ZNF853: variants seen among roughly 807,000 people sequenced by gnomAD.
ZNF853 encodes zinc finger protein 853.
Under a neutral mutation model 94.7 loss-of-function variants are expected in ZNF853, and 57 were observed. The ratio of observed to expected loss-of-function variants is 0.60; its 90% confidence interval spans 0.49 to 0.75. The LOEUF is 0.75. ZNF853 is among the 30% of genes least tolerant of loss of function. The probability of loss-of-function intolerance (pLI) is 0.00; values close to 1 mark genes in which losing one functional copy is unlikely to be tolerated. For synonymous variants in ZNF853, 448 were observed against 406.3 expected (o/e 1.10, Z -1.23); for missense variants, 785 against 868.9 (o/e 0.90, Z 1.21).
chr7:6,619,032 A>ATTTTTTTTTTTTTTTTTTTTTTTTTT, intron 2 of ZNF853, among the ~76,000 whole-genome samples: 1 of 86,874 alleles, frequency 1.2e-5, no homozygotes, highest in Non-Finnish European at 2.2e-5. Context: ...CCCTTGGTGG[A>ATTTTTTTTTTTTTTTTTTTTTTTTTT]TTTTTTTTTT....
At chr7:6,617,335 G>C in intron 2 of ZNF853, 28 bp downstream of exon 2, 1 of 1,402,834 alleles carries the variant, frequency 7.1e-7, no homozygotes, top group Non-Finnish European at 9.4e-7. Flanking sequence ...TCCCTTGACA[G>C]AGCCTCATGC....
intron 1 of ZNF853, 74 bp downstream of exon 1, chr7:6,616,260 G>T: frequency 1.4e-6 from 2 of 1,468,548 alleles, no homozygotes; most frequent in Non-Finnish European, 1.9e-6. Context: ...TGGATGGCAC[G>T]AGTCGGCCTG....
In ZNF853 at chr7:6,617,198, C is replaced by T. The variant is rs1252665405; in HGVS notation, c.21C>T (p.Pro7=). 13 of 1,543,492 alleles carry T rather than the reference C, an allele frequency of 8.4e-6. No individual in the cohort carries two copies. The African/African-American group carries it at 1.1e-4, about 13-fold the overall frequency. The change falls in exon 2 of 3, where the codon CCC becomes CCT. Residue 7 remains proline (P), a synonymous_variant. Coordinates refer to ENST00000457543, the MANE Select transcript of ZNF853 (RefSeq NM_017560.3). ...CCTTCCTTTCAGCACAGCCGACTCC[C>T]GGGAATCGGGGTCTGACCGCCAGGA... The part of the protein sequence containing the change: MLHQPT[P]GNRGLTARME...
intron 2 of ZNF853, among the ~76,000 whole-genome samples, chr7:6,619,718 A>G: frequency 6.6e-6 from 1 of 152,242 alleles, no homozygotes; most frequent in Non-Finnish European, 1.5e-5. Context: ...GGGAACGGAG[A>G]AAGCCTCCTC....
chr7:6,622,780 T>C lies in ZNF853; in HGVS notation c.1789T>C (p.Tyr597His). 6.5e-7 allele frequency: 1 copy of C among 1,540,864 alleles called. No homozygotes were observed. The change falls in exon 3 of 3, where the codon TAC (tyrosine) becomes CAC (histidine). Residue 597 changes from tyrosine to histidine, a missense_variant. Coordinates refer to ENST00000457543, the MANE Select transcript of ZNF853 (RefSeq NM_017560.3). The stretch of plus-strand genomic sequence containing the variant: ...GCGCACGCACTCGGGCGAGCGGCCC[T>C]ACGTGTGCGAGGACTGTGGCGAGCG... ...HRRTHSGERP[Y>H]VCEDCGERFR...
Position 6,617,284 on chromosome 7 carries a change from G to T in ZNF853, c.107G>T (p.Gly36Val), listed in dbSNP as rs909201669. ...VLELQCLEDG[G>V]PGPDTLSGGS... ...GAACTTCAATGTCTTGAGGATGGGG[G>T]CCCAGGGCCTGACACCCTCTCAGGT... The change falls in exon 2 of 3, where the codon GGC becomes GTC. Residue 36 changes from glycine (G) to valine (V), a missense_variant. Physicochemically the swap from Gly to Val is moderately radical, Grantham distance 109. Transcript: ENST00000457543. 11 of 1,503,428 alleles carry T rather than the reference G, an allele frequency of 7.3e-6. No individual in the cohort carries two copies. Among genetic ancestry groups the T allele is most frequent in the Non-Finnish European group, 9.8e-6 (11 of 1,120,378 alleles). The allele number at this position is 1,503,428 out of a possible 1,614,324, so 93.1% of individuals were successfully genotyped here.
Position 6,622,248 on chromosome 7 carries a change from A to T in ZNF853, c.1257A>T (p.Ala419=). ...PELQLELVPA[A]GGGGAAVPGA... is the part of the protein sequence containing the mutation. ...TGCAGCTGGAACTGGTGCCAGCCGCAGGGGGCGGCGGAGCGGCGGTCCCGG... is the reference window on the plus strand; with the variant it reads ...TGCAGCTGGAACTGGTGCCAGCCGCTGGGGGCGGCGGAGCGGCGGTCCCGG... The change falls in exon 3 of 3, where the codon GCA becomes GCT. Residue 419 remains alanine, a synonymous_variant. Transcript: ENST00000457543. 6.6e-7 allele frequency: 1 copy of T among 1,521,778 alleles called. No homozygotes were observed. The allele number at this position is 1,521,778 out of a possible 1,614,324, so 94.3% of individuals were successfully genotyped here. A position where few individuals can be genotyped will look rare whatever the true frequency, so the allele number is the denominator to read the frequency against.
chr7:6,617,615 C>A (rs972428024), intron 2 of ZNF853: 1 of 985,324 alleles, frequency 1.0e-6, no homozygotes, highest in African/African-American at 1.7e-5. Context: ...TCCCACCTGG[C>A]CCCAGCTCCT....
chr7:6,618,624 C>G, intron 2 of ZNF853, among the ~76,000 whole-genome samples: 2 of 152,070 alleles, frequency 1.3e-5, no homozygotes, highest in South Asian at 4.1e-4. Flanking sequence ...ATGGGAGGAT[C>G]GCTTGAGCTT....
chr7:6,616,729 C>T, intron 1 of ZNF853, among the ~76,000 whole-genome samples: 3 of 147,778 alleles, frequency 2.0e-5, no homozygotes, highest in Non-Finnish European at 3.0e-5. Context: ...AGTGAGAATC[C>T]GTATCAAGAA....
In ZNF853 at chr7:6,617,221, G is replaced by A. The variant is rs1306108464; in HGVS notation, c.44G>A (p.Arg15Lys). 2.6e-6 allele frequency: 4 copies of A among 1,536,420 alleles called. No homozygotes were observed. Among genetic ancestry groups the A allele is most frequent in the Non-Finnish European group, 3.5e-6 (4 of 1,140,246 alleles). The stretch of plus-strand genomic sequence containing the variant: ...CCCGGGAATCGGGGTCTGACCGCCA[G>A]GATGGAAGTGGGGCCAGCCACCGAG... Reference protein sequence around the residue: ...PTPGNRGLTARMEVGPATETF... With the variant: ...PTPGNRGLTAKMEVGPATETF... The change falls in exon 2 of 3, where the codon AGG becomes AAG. Residue 15 changes from arginine to lysine, a missense_variant. Coordinates refer to ENST00000457543, the MANE Select transcript of ZNF853 (RefSeq NM_017560.3).
Position 6,622,771 on chromosome 7 carries a change from G to C in ZNF853, c.1780G>C (p.Glu594Gln). 6.5e-7 allele frequency: 1 copy of C among 1,544,442 alleles called. No homozygotes were observed. The highest frequency in any genetic ancestry group is 8.7e-7 in the Non-Finnish European group (1 of 1,148,256). ...GCGCCACCGGCGCACGCACTCGGGC[G>C]AGCGGCCCTACGTGTGCGAGGACTG... ...LLRHRRTHSGERPYVCEDCGE... is the reference protein window; with the variant it reads ...LLRHRRTHSGQRPYVCEDCGE... Residue 594 changes from glutamate (E) to glutamine (Q), a missense_variant, in exon 3 of 3, where the codon GAG becomes CAG. Glu to Gln is a conservative substitution (Grantham distance 29). Transcript: ENST00000457543.
At chr7:6,618,542 C>T in intron 2 of ZNF853, among the ~76,000 whole-genome samples, 1 of 152,118 alleles carries the variant, frequency 6.6e-6, no homozygotes, top group East Asian at 1.9e-4. Flanking sequence ...AACCCCATCT[C>T]TACAAAAAGT....
Position 6,622,262 on chromosome 7 carries a change from C to T in ZNF853, c.1271C>T (p.Ala424Val), listed in dbSNP as rs770252986. The T allele has an allele frequency of 6.6e-7, 1 of 1,510,800 alleles. No homozygotes were observed. The highest frequency in any genetic ancestry group is 2.1e-5 in the Admixed American group (1 of 47,272). 93.6% of individuals were successfully genotyped at this position (1,510,800 alleles called of 1,614,324 possible). A position where few individuals can be genotyped will look rare whatever the true frequency, so the allele number is the denominator to read the frequency against. ...GTGCCAGCCGCAGGGGGCGGCGGAG[C>T]GGCGGTCCCGGGGGCTCCGGCCGCG... The part of the protein sequence containing the change: ...ELVPAAGGGG[A>V]AVPGAPAAVV... Residue 424 changes from alanine to valine, a missense_variant, in exon 3 of 3, where the codon GCG becomes GTG. Coordinates refer to ENST00000457543, the MANE Select transcript of ZNF853 (RefSeq NM_017560.3).
rs1782680760 is a variant in ZNF853, at chr7:6,623,302, T to G, written c.*331T>G. On this transcript the variant is annotated 3_prime_UTR_variant, in exon 3 of 3. Coordinates refer to ENST00000457543, the MANE Select transcript of ZNF853 (RefSeq NM_017560.3). ...ACTACGAACGAGGAAAAACCCCCAG[T>G]GGCGAGACGATTAATGACACTGGCC... 2.5e-6 allele frequency: 1 copy of G among 398,366 alleles called. No homozygotes were observed. Among genetic ancestry groups the G allele is most frequent in the South Asian group, 1.3e-4 (1 of 7,844 alleles). The allele number at this position is 398,366 out of a possible 1,614,324, so 24.7% of individuals were successfully genotyped here. A position where few individuals can be genotyped will look rare whatever the true frequency, so the allele number is the denominator to read the frequency against.
At chr7:6,617,539 C>A in intron 2 of ZNF853, 1 of 960,172 alleles carries the variant, frequency 1.0e-6, no homozygotes, top group African/African-American at 1.8e-5. Flanking sequence ...GGACTTAACA[C>A]TCACACGCGC....
At position 6,617,265 on chromosome 7, in the gene ZNF853, C is replaced by T. The variant is rs1782524828; in HGVS notation, c.88C>T (p.Gln30Ter). The change falls in exon 2 of 3, where the codon CAA becomes TAA. Residue 30 changes from glutamine (Q) to a stop codon, truncating the protein, a stop_gained. Transcript: ENST00000457543. LOFTEE classifies it high-confidence loss of function. The stretch of plus-strand genomic sequence containing the variant: ...CACCGAGACCTTCGTGCTGGAACTT[C>T]AATGTCTTGAGGATGGGGGCCCAGG... ...PATETFVLEL[Q>*]CLEDGGPGPD... 2.0e-6 allele frequency: 3 copies of T among 1,525,598 alleles called. No individual in the cohort carries two copies. Among genetic ancestry groups the T allele is most frequent in the Non-Finnish European group, 2.6e-6 (3 of 1,133,108 alleles). 94.5% of individuals were successfully genotyped at this position (1,525,598 alleles called of 1,614,324 possible).
intron 2 of ZNF853, chr7:6,617,523 C>G: frequency 1.1e-6 from 1 of 911,776 alleles, no homozygotes; most frequent in Non-Finnish European, 1.3e-6. Context: ...CACATGGGTG[C>G]TGACTGGACT....
chr7:6,621,417 C>T lies in ZNF853; in HGVS notation c.426C>T (p.His142=). 1 of 1,551,730 alleles carries T rather than the reference C, an allele frequency of 6.4e-7. No homozygotes were observed. The highest frequency in any genetic ancestry group is 8.7e-7 in the Non-Finnish European group (1 of 1,147,006). The change falls in exon 3 of 3, where the codon CAC becomes CAT. Residue 142 remains histidine (H), a synonymous_variant. Coordinates refer to ENST00000457543, the MANE Select transcript of ZNF853 (RefSeq NM_017560.3). ...QLQQEKHQSV[H]HQELKPELQL... ...AACAGGAAAAACACCAATCCGTGCA[C>T]CATCAGGAACTGAAACCAGAACTGC...
Sources: allele counts gnomAD v4.1 joint callset (sites outside exome capture counted in the v4.1 genomes callset), GRCh38; gene constraint gnomAD v4.1.1; transcripts MANE v1.5; gene names NCBI Gene and HGNC (gene_info 2026-07-23, HGNC 2026-07-21).